The following PGM2L1 variants were observed in gnomAD, a reference collection of about 807,000 sequenced individuals.
PGM2L1 encodes glucose 1,6-bisphosphate synthase.
In PGM2L1, 35 loss-of-function variants were observed where a neutral mutation model predicts 73.4. That is an observed-to-expected ratio of 0.48 (90% CI 0.36 to 0.63). PGM2L1 has a LOEUF of 0.63. PGM2L1 is among the 30% of genes least tolerant of loss of function. The pLI is 0.00. For synonymous variants in PGM2L1, 225 were observed against 253.8 expected, an observed-to-expected ratio of 0.89 and a Z score of 1.08; for missense variants, 570 against 742.0, an observed-to-expected ratio of 0.77 and a Z score of 2.69.
chr11:74,355,223 C>T, intron 5 of PGM2L1: 1 of 1,406,428 alleles, frequency 7.1e-7, no homozygotes, highest in Non-Finnish European at 9.9e-7. Context: ...GTGGTGGAAG[C>T]TACAATGATT....
At chr11:74,364,684 A>T (rs1862625665) in intron 5 of PGM2L1, among the ~76,000 whole-genome samples, 1 of 152,208 alleles carries the variant, frequency 6.6e-6, no homozygotes, top group Non-Finnish European at 1.5e-5. Flanking sequence ...TTCAAGGAGA[A>T]CTACAAACCA....
At chr11:74,390,076 G>T (rs985701043) in intron 1 of PGM2L1, among the ~76,000 whole-genome samples, 4 of 146,064 alleles carry the variant, frequency 2.7e-5, no homozygotes, top group Non-Finnish European at 4.5e-5. Context: ...CCGAGATTGC[G>T]CCACTGCACT....
At position 74,351,588 on chromosome 11, in the gene PGM2L1, G is replaced by A; in HGVS notation, c.556-12C>T. On this transcript the variant is annotated splice_polypyrimidine_tract_variant and intron_variant, in intron 5 of 13. Coordinates refer to ENST00000298198, the MANE Select transcript of PGM2L1 (RefSeq NM_173582.6). ...GTTTCCCAGTAAACCTAGATGATAA[G>A]TAAATATAACCATAATTACTTAAAA... 1.3e-6 allele frequency: 2 copies of A among 1,577,874 alleles called. No homozygotes were observed. Among genetic ancestry groups the A allele is most frequent in the Non-Finnish European group, 1.7e-6 (2 of 1,160,296 alleles).
chr11:74,344,791 C>T (rs1862237271), intron 9 of PGM2L1, among the ~76,000 whole-genome samples: 2 of 152,226 alleles, frequency 1.3e-5, no homozygotes, highest in South Asian at 4.1e-4. Context: ...TTTTAGAAAG[C>T]ATAAGGTTGA....
Position 74,342,448 on chromosome 11 carries a change from A to G in PGM2L1, c.1632+13T>C, listed in dbSNP as rs1445308650. On this transcript the variant is annotated intron_variant, in intron 12 of 13. Transcript: ENST00000298198. ...ATTTTCTAAATTGTTTGGAAAAAAA[A>G]AAAGGTACTTACTGATTTCTTATTA... 1.4e-6 allele frequency: 2 copies of G among 1,402,086 alleles called. No homozygotes were observed. Among genetic ancestry groups the G allele is most frequent in the African/African-American group, 3.0e-5 (2 of 67,406 alleles). The allele number at this position is 1,402,086 out of a possible 1,614,324, so 86.9% of individuals were successfully genotyped here. A position where few individuals can be genotyped will look rare whatever the true frequency, so the allele number is the denominator to read the frequency against.
intron 11 of PGM2L1, 56 bp from the exon 12 acceptor site, chr11:74,342,706 A>G: frequency 7.0e-7 from 1 of 1,428,458 alleles, no homozygotes; most frequent in South Asian, 1.5e-5. Flanking sequence ...TTAAAAAAGC[A>G]TATATTAAGG....
intron 1 of PGM2L1, among the ~76,000 whole-genome samples, chr11:74,390,756 G>A (rs1156864737): frequency 6.6e-6 from 1 of 152,142 alleles, no homozygotes; most frequent in Non-Finnish European, 1.5e-5. Context: ...AAAATAACTT[G>A]ATAACATGTA....
chr11:74,349,280 T>A (rs1050171392), intron 6 of PGM2L1, among the ~76,000 whole-genome samples: 1 of 152,244 alleles, frequency 6.6e-6, no homozygotes, highest in Non-Finnish European at 1.5e-5. Flanking sequence ...TTTCAGCCTG[T>A]GTGATTTTCA....
intron 12 of PGM2L1, among the ~76,000 whole-genome samples, chr11:74,339,471 C>T (rs1267132079): frequency 6.6e-6 from 1 of 152,158 alleles, no homozygotes; most frequent in Non-Finnish European, 1.5e-5. Flanking sequence ...TGAGTCCTGT[C>T]CTTGAGACCC....
rs766149998 is a variant in PGM2L1 at position 74,335,606 on chromosome 11, T to C, written c.*1046A>G. On this transcript the variant is annotated 3_prime_UTR_variant, in exon 14 of 14. Coordinates refer to ENST00000298198, the MANE Select transcript of PGM2L1 (RefSeq NM_173582.6). ...GTTTTATTCTTAGTAAAATTAACATTACTTCATAAAATAAAAGAATAAATC... is the reference window on the plus strand; with the variant it reads ...GTTTTATTCTTAGTAAAATTAACATCACTTCATAAAATAAAAGAATAAATC... 6.6e-6 allele frequency: 1 copy of C among 152,202 alleles called. No homozygotes were observed. The highest frequency in any genetic ancestry group is 2.4e-5 in the African/African-American group (1 of 41,452). The allele number at this position is 152,202 out of a possible 1,614,324, so 9.4% of individuals were successfully genotyped here. A position where few individuals can be genotyped will look rare whatever the true frequency, so the allele number is the denominator to read the frequency against.
At chr11:74,380,649 ATT>A (rs1272274836) in intron 1 of PGM2L1, among the ~76,000 whole-genome samples, 1 of 152,110 alleles carries the variant, frequency 6.6e-6, no homozygotes, top group Admixed American at 6.5e-5. Context: ...AAAGTTAATT[ATT>A]TTGTTTCAAA....
At chr11:74,376,933 G>T (rs1862862628) in intron 1 of PGM2L1, among the ~76,000 whole-genome samples, 1 of 151,966 alleles carries the variant, frequency 6.6e-6, no homozygotes, top group Non-Finnish European at 1.5e-5. Context: ...TTAACAGTGA[G>T]ACATTAATTT....
In PGM2L1 at chr11:74,365,296, T is replaced by C. The variant is rs528165113; in HGVS notation, c.555+3196A>G. Among the ~76,000 whole-genome samples the C allele has an allele frequency of 3.2e-3, 491 of 152,226 alleles. 3 individuals carry two copies. The Middle Eastern group carries it at 0.034, about 11-fold the overall frequency. ...AACCTAGGCAATACCATTCAGGACA[T>C]AGGCATGGGCAAGGACTTCATGTCT... On this transcript the variant is annotated intron_variant, in intron 5 of 13. Transcript: ENST00000298198.
At chr11:74,391,209 T>C (rs190309839) in intron 1 of PGM2L1, among the ~76,000 whole-genome samples, 7 of 151,898 alleles carry the variant, frequency 4.6e-5, no homozygotes, top group Non-Finnish European at 8.8e-5. Context: ...CTCCCTCCCT[T>C]CCTTGGGTAA....
At chr11:74,352,684 C>A (rs879594290) in intron 5 of PGM2L1, among the ~76,000 whole-genome samples, 17 of 152,136 alleles carry the variant, frequency 1.1e-4, no homozygotes, top group Non-Finnish European at 2.4e-4. Context: ...AACCTGTTCT[C>A]TATAAACACC....
intron 6 of PGM2L1, among the ~76,000 whole-genome samples, chr11:74,350,394 A>G (rs1037141570): frequency 6.6e-6 from 1 of 152,222 alleles, no homozygotes; most frequent in Non-Finnish European, 1.5e-5. Flanking sequence ...CTCTTAAGAG[A>G]AATGTACTGA....
intron 1 of PGM2L1, among the ~76,000 whole-genome samples, chr11:74,391,938 A>G (rs1424936571): frequency 6.6e-6 from 1 of 152,230 alleles, no homozygotes; most frequent in Non-Finnish European, 1.5e-5. Context: ...ATTGTCCTGC[A>G]AACTTTGCTA....
At chr11:74,364,113 C>CCACAT (rs1286596101) in intron 5 of PGM2L1, among the ~76,000 whole-genome samples, 1 of 152,138 alleles carries the variant, frequency 6.6e-6, no homozygotes, top group African/African-American at 2.4e-5. Flanking sequence ...AAGACAAAAA[C>CCACAT]CACATGATTA....
chr11:74,347,089 G>A (rs1862277914), intron 7 of PGM2L1, 59 bp downstream of exon 7: 1 of 1,302,102 alleles, frequency 7.7e-7, no homozygotes, highest in Non-Finnish European at 1.0e-6. Context: ...TTGTCAATGA[G>A]TTCTATCTAT....
Sources: allele counts gnomAD v4.1 joint callset (sites outside exome capture counted in the v4.1 genomes callset), GRCh38; gene constraint gnomAD v4.1.1; transcripts MANE v1.5; gene names NCBI Gene and HGNC (gene_info 2026-07-23, HGNC 2026-07-21).